Variants in FNDC3B observed in about 807,000 individuals in gnomAD.
FNDC3B encodes fibronectin type III domain containing 3B.
FNDC3B carries 12 observed loss-of-function variants against 151.5 expected under a neutral mutation model. The observed-to-expected ratio is 0.08, with a 90% CI of 0.05 to 0.13. FNDC3B has a LOEUF of 0.13. FNDC3B is among the 10% of genes least tolerant of loss of function. The probability of loss-of-function intolerance (pLI) is 1.00; values close to 1 mark genes in which losing one functional copy is unlikely to be tolerated. For synonymous variants in FNDC3B, 528 were observed against 549.0 expected (o/e 0.96, Z 0.54); for missense variants, 1,214 against 1,505.3 (o/e 0.81, Z 3.20).
chr3:172,318,166 GGACTAAGAAT>G (rs1731904897), intron 11 of FNDC3B, among the ~76,000 whole-genome samples: 1 of 152,190 alleles, frequency 6.6e-6, no homozygotes, highest in Non-Finnish European at 1.5e-5. Context: ...AAAACACAGT[GGACTAAGAAT>G]GAAACAGATG....
At chr3:172,115,418 T>C (rs1720197059) in intron 2 of FNDC3B, among the ~76,000 whole-genome samples, 1 of 151,734 alleles carries the variant, frequency 6.6e-6, no homozygotes, top group Non-Finnish European at 1.5e-5. Context: ...GATCCCAGAG[T>C]GTGGGGCTGC....
At chr3:172,291,990 T>C (rs193012197) in intron 7 of FNDC3B, among the ~76,000 whole-genome samples, 3 of 152,216 alleles carry the variant, frequency 2.0e-5, no homozygotes, top group Admixed American at 6.5e-5. Flanking sequence ...GGAGTAAATA[T>C]GTCTAGTGCT....
chr3:172,161,391 G>A (rs993082178), intron 3 of FNDC3B, among the ~76,000 whole-genome samples: 1 of 152,224 alleles, frequency 6.6e-6, no homozygotes, highest in African/African-American at 2.4e-5. Context: ...AAAGAGTGCT[G>A]TGGGTCACTT....
chr3:172,273,816 G>A (rs933092118), intron 6 of FNDC3B, among the ~76,000 whole-genome samples: 6 of 152,182 alleles, frequency 3.9e-5, no homozygotes, highest in Non-Finnish European at 7.3e-5. Flanking sequence ...ATCTGGAGCC[G>A]TAAATAAGTT....
chr3:172,078,926 C>A (rs1030600359), intron 1 of FNDC3B, among the ~76,000 whole-genome samples: 2 of 152,152 alleles, frequency 1.3e-5, no homozygotes, highest in African/African-American at 4.8e-5. Context: ...GTTTACTACA[C>A]GATCTGTTGA....
intron 6 of FNDC3B, among the ~76,000 whole-genome samples, chr3:172,253,047 G>GAGAATT (rs1728163670): frequency 6.6e-6 from 1 of 152,300 alleles, no homozygotes; most frequent in South Asian, 2.1e-4. Flanking sequence ...TTTTCCTGAA[G>GAGAATT]AGAATTTTTA....
At chr3:172,043,023 T>C (rs1255730022) in intron 1 of FNDC3B, among the ~76,000 whole-genome samples, 1 of 151,884 alleles carries the variant, frequency 6.6e-6, no homozygotes, top group Admixed American at 6.6e-5. Context: ...CAAGCGATTC[T>C]CCTGCCTTAG....
At chr3:172,052,278 A>G (rs985992138) in intron 1 of FNDC3B, among the ~76,000 whole-genome samples, 5 of 150,294 alleles carry the variant, frequency 3.3e-5, no homozygotes, top group Non-Finnish European at 7.4e-5. Context: ...GGGTCTTGCC[A>G]TGTTACCCAG....
At chr3:172,153,205 G>A (rs1287356963) in intron 3 of FNDC3B, among the ~76,000 whole-genome samples, 3 of 152,168 alleles carry the variant, frequency 2.0e-5, no homozygotes, top group East Asian at 1.9e-4. Context: ...AGTACAGTAA[G>A]CCCTCTAAGA....
Position 172,247,522 on chromosome 3 carries a change from T to A in FNDC3B, c.265-11T>A. 6.2e-7 allele frequency: 1 copy of A among 1,612,066 alleles called. No homozygotes were observed. Among genetic ancestry groups the A allele is most frequent in the Non-Finnish European group, 8.5e-7 (1 of 1,178,490 alleles). On this transcript the variant is annotated splice_polypyrimidine_tract_variant and intron_variant, in intron 4 of 25. Transcript: ENST00000415807. ...ATGTACTGCGTTCTTTCCTTTTGTG[T>A]TTTTCTTTAGGTGATTGAAGATAGT...
intron 10 of FNDC3B, among the ~76,000 whole-genome samples, chr3:172,310,272 C>T (rs879445227): frequency 1.3e-5 from 2 of 152,186 alleles, no homozygotes; most frequent in Non-Finnish European, 2.9e-5. Context: ...CTTCCCTCTG[C>T]TAACGTATGA....
chr3:172,307,395 C>A lies in FNDC3B; in HGVS notation c.1094C>A (p.Ser365Tyr). ...VYAMYNSVKG[S>Y]CSEPVSFTTH... ...GCCATGTACAATTCCGTAAAGGGAT[C>A]CTGCTCCGAGCCTGTTAGCTTCACC... is the stretch of plus-strand genomic sequence containing the variant. Residue 365 changes from serine to tyrosine, a missense_variant, in exon 10 of 26, where the codon TCC becomes TAC. Ser to Tyr is a moderately radical substitution (Grantham distance 144, BLOSUM62 -2). This residue lies in a region of FNDC3B where 156 missense variants were observed against 225.3 expected (regional missense o/e 0.69). Coordinates refer to ENST00000415807, the MANE Select transcript of FNDC3B (RefSeq NM_022763.4). 1.2e-6 allele frequency: 2 copies of A among 1,614,100 alleles called. No individual in the cohort carries two copies. The highest frequency in any genetic ancestry group is 1.7e-6 in the Non-Finnish European group (2 of 1,179,994).
chr3:172,162,858 T>C, intron 3 of FNDC3B, among the ~76,000 whole-genome samples: 1 of 152,196 alleles, frequency 6.6e-6, no homozygotes, highest in East Asian at 1.9e-4. Context: ...TGACTTCTGA[T>C]CATAGCACTA....
In FNDC3B at chr3:172,401,067, T is replaced by C. The variant is rs9859248; in HGVS notation, c.*3592T>C. On this transcript the variant is annotated 3_prime_UTR_variant, in exon 26 of 26. Transcript: ENST00000415807. Reference sequence around the variant, plus strand: ...CCTCCCAAGTAGCTGGGACTACAGGTGCCCGCCACCACGCCCGGCTAATTT... The same window carrying C: ...CCTCCCAAGTAGCTGGGACTACAGGCGCCCGCCACCACGCCCGGCTAATTT... The C allele has an allele frequency of 0.51, 76,686 of 151,536 alleles. 20,801 individuals carry two copies. The highest frequency in any genetic ancestry group is 0.6 in the Non-Finnish European group (41,105 of 67,970). The allele number at this position is 151,536 out of a possible 1,614,324, so 9.4% of individuals were successfully genotyped here. A position where few individuals can be genotyped will look rare whatever the true frequency, so the allele number is the denominator to read the frequency against.
intron 7 of FNDC3B, among the ~76,000 whole-genome samples, chr3:172,293,217 T>C (rs1730431284): frequency 6.6e-6 from 1 of 151,948 alleles, no homozygotes; most frequent in African/African-American, 2.4e-5. Flanking sequence ...AGAAGTTGGT[T>C]AAAACCAAGG....
chr3:172,280,481 TA>T (rs1560054634), intron 6 of FNDC3B, among the ~76,000 whole-genome samples: 1 of 152,202 alleles, frequency 6.6e-6, no homozygotes, highest in African/African-American at 2.4e-5. Flanking sequence ...CATGATTTGT[TA>T]AAGAGAGTAG....
intron 3 of FNDC3B, among the ~76,000 whole-genome samples, chr3:172,147,345 A>G (rs1347851207): frequency 6.6e-6 from 1 of 150,564 alleles, no homozygotes; most frequent in African/African-American, 2.4e-5. Flanking sequence ...GAAAATAACC[A>G]TCTTACAACT....
rs146829813 is a variant in FNDC3B at position 172,252,595 on chromosome 3, G to C, written c.790+1054G>C. 1.1e-3 allele frequency among the ~76,000 whole-genome samples: 161 copies of C among 152,096 alleles called. 6 individuals are homozygous for C. The East Asian group carries it at 0.028, about 27-fold the overall frequency. ...TGTGAATGAAAAAGATGGAATATGT[G>C]TATTTTTGAGTGTCTATGGAAGAGC... On this transcript the variant is annotated intron_variant, in intron 6 of 25. Coordinates refer to ENST00000415807, the MANE Select transcript of FNDC3B (RefSeq NM_022763.4).
At chr3:172,389,153 A>G (rs986758354) in intron 25 of FNDC3B, among the ~76,000 whole-genome samples, 3 of 152,254 alleles carry the variant, frequency 2.0e-5, no homozygotes, top group African/African-American at 7.2e-5. Context: ...AGTTAATAAC[A>G]TAAGTTTACA....
Sources: allele counts gnomAD v4.1 joint callset (sites outside exome capture counted in the v4.1 genomes callset), GRCh38; gene constraint gnomAD v4.1.1; regional missense constraint gnomAD v4.1.1; transcripts MANE v1.5; gene names NCBI Gene and HGNC (gene_info 2026-07-23, HGNC 2026-07-21).